The following FLNB variants were observed in gnomAD, a reference collection of about 807,000 sequenced individuals.
The protein encoded by FLNB is filamin-B.
In FLNB, 111 loss-of-function variants were observed where a neutral mutation model predicts 250.6. The ratio of observed to expected loss-of-function variants is 0.44; its 90% CI spans 0.38 to 0.52. The LOEUF is 0.52. Among genes scored for constraint, FLNB ranks in the 20% least tolerant of loss-of-function variants. FLNB has a pLI of 0.00. For synonymous variants in FLNB, 1,302 were observed against 1,372.1 expected, an observed-to-expected ratio of 0.95 and a Z score of 1.13; for missense variants, 2,869 against 3,447.8, an observed-to-expected ratio of 0.83 and a Z score of 4.20.
rs1173769273 is a variant in FLNB, at chr3:58,142,506, C to T, written c.5182-144C>T. The T allele has an allele frequency of 1.4e-6, 1 of 727,190 alleles. No individual in the cohort carries two copies. The highest frequency in any genetic ancestry group is 1.6e-5 in the South Asian group (1 of 63,274). The allele number at this position is 727,190 out of a possible 1,614,324, so 45.0% of individuals were successfully genotyped here. On this transcript the variant is annotated intron_variant, in intron 30 of 45. Transcript: ENST00000295956. This position sits in a 1 kb window ranked among gnomAD's most constrained non-coding sequence, Gnocchi z 4.3. ...TACCCTGGGTCTGGAGCCACTTAGA[C>T]AAAGCCCATACCACAATGGGCAGCC...
intron 4 of FLNB, among the ~76,000 whole-genome samples, chr3:58,083,413 C>T (rs2097212213): frequency 7.2e-6 from 1 of 139,804 alleles, no homozygotes; most frequent in African/African-American, 2.7e-5. Flanking sequence ...GTCGCCCAGG[C>T]TGGAGTGCAG....
At position 58,138,284 on chromosome 3, in the gene FLNB, C is replaced by T. The variant is rs2097320065; in HGVS notation, c.4864C>T (p.Pro1622Ser). The T allele has an allele frequency of 6.2e-7, 1 of 1,613,652 alleles. No individual in the cohort carries two copies. The highest frequency in any genetic ancestry group is 1.3e-5 in the African/African-American group (1 of 74,906). ...TCTTCCCCTGAACTCTTCTCCAGGT[C>T]CTGGAATCGCCTCCACTGTGAAAAC... ...GDASKCLATG[P>S]GIASTVKTGE... Residue 1622 changes from proline to serine, a missense_variant and splice_region_variant, in exon 29 of 46, where the codon CCT becomes TCT. Physicochemically the swap from Pro to Ser is moderately conservative, Grantham distance 74 (BLOSUM62 -1). Transcript: ENST00000295956.
At position 58,098,818 on chromosome 3, in the gene FLNB, A is replaced by G; in HGVS notation, c.1255A>G (p.Lys419Glu). Residue 419 changes from lysine (K) to glutamate (E), a missense_variant, in exon 8 of 46, where the codon AAA becomes GAA. Coordinates refer to ENST00000295956, the MANE Select transcript of FLNB (RefSeq NM_001457.4). ...AAACCAGGTGTATCGATGTGTGTACAAACCCATGCAGCCTGGCCCTCACGT... is the reference window on the plus strand; with the variant it reads ...AAACCAGGTGTATCGATGTGTGTACGAACCCATGCAGCCTGGCCCTCACGT... ...KGNQVYRCVY[K>E]PMQPGPHVVK... 6.2e-7 allele frequency: 1 copy of G among 1,614,194 alleles called. No homozygotes were observed. Among genetic ancestry groups the G allele is most frequent in the Non-Finnish European group, 8.5e-7 (1 of 1,180,034 alleles).
chr3:58,123,901 CT>C (rs2097293298), intron 21 of FLNB, among the ~76,000 whole-genome samples: 1 of 152,096 alleles, frequency 6.6e-6, no homozygotes, highest in African/African-American at 2.4e-5. Flanking sequence ...TACTCAACCC[CT>C]GTTTTCTGTT....
At chr3:58,155,146 C>G (rs2097351388) in intron 40 of FLNB, among the ~76,000 whole-genome samples, 1 of 152,230 alleles carries the variant, frequency 6.6e-6, no homozygotes, top group Non-Finnish European at 1.5e-5. Flanking sequence ...CCATTAGCCT[C>G]TCTGCTTCTT....
At chr3:58,132,704 A>G in intron 25 of FLNB, 104 bp from the exon 26 acceptor site, 1 of 1,471,386 alleles carries the variant, frequency 6.8e-7, no homozygotes. Flanking sequence ...ATCAGTGGAA[A>G]CCAATAGCTC....
rs751469101 is a variant in FLNB at position 58,106,848 on chromosome 3, C to G, written c.1916C>G (p.Ala639Gly). The stretch of plus-strand genomic sequence containing the variant: ...CCGTACATGGCCTTCATCCACCCAG[C>G]CACGGGAGGCTACAACCCTGATCTG... ...DSPYMAFIHP[A>G]TGGYNPDLVR... The change falls in exon 12 of 46, where the codon GCC becomes GGC. Residue 639 changes from alanine (A) to glycine (G), a missense_variant. Physicochemically the swap from Ala to Gly is moderately conservative, Grantham distance 60. Around this residue, in one of 5 missense-constraint regions of FLNB, gnomAD observed 1,348 missense variants for 1,466.7 expected, o/e 0.92. Transcript: ENST00000295956. 1.2e-6 allele frequency: 2 copies of G among 1,613,854 alleles called. No homozygotes were observed. Among genetic ancestry groups the G allele is most frequent in the Non-Finnish European group, 1.7e-6 (2 of 1,179,962 alleles).
chr3:58,070,918 A>G (rs1283232808), intron 1 of FLNB, among the ~76,000 whole-genome samples: 5 of 148,054 alleles, frequency 3.4e-5, no homozygotes, highest in East Asian at 2.0e-4. Context: ...CCAAAGTGCT[A>G]GGATTACAGG....
rs767271335 is a variant in FLNB at position 58,126,720 on chromosome 3, G to A, written c.4180G>A (p.Asp1394Asn). Residue 1394 changes from aspartate to asparagine, a missense_variant, in exon 24 of 46, where the codon GAT (aspartate) becomes AAT (asparagine). Physicochemically the swap from Asp to Asn is conservative, Grantham distance 23 (BLOSUM62 1). Coordinates refer to ENST00000295956, the MANE Select transcript of FLNB (RefSeq NM_001457.4). ...SAEYIPFAPG[D>N]YDVNITYGGA... is the part of the protein sequence containing the mutation. ...TGAGTACATTCCTTTCGCACCGGGG[G>A]ATTACGATGTTAATATCACATATGG... is the stretch of plus-strand genomic sequence containing the variant. 16 of 1,613,874 alleles carry A rather than the reference G, an allele frequency of 9.9e-6. No individual in the cohort carries two copies. Among genetic ancestry groups the A allele is most frequent in the African/African-American group, 1.3e-5 (1 of 74,884 alleles).
chr3:58,145,812 TAGG>T, intron 32 of FLNB, 106 bp from the exon 33 acceptor site: 1 of 1,359,890 alleles, frequency 7.4e-7, no homozygotes, highest in Non-Finnish European at 1.1e-6. Context: ...TGCCTCTGCT[TAGG>T]AGGCGCCAGA....
chr3:58,024,676 A>G (rs2097120342), intron 1 of FLNB, among the ~76,000 whole-genome samples: 1 of 122,340 alleles, frequency 8.2e-6, no homozygotes, highest in Non-Finnish European at 1.8e-5. Context: ...GCATTTCTGC[A>G]TTTCTGGTCT....
chr3:58,028,418 A>T (rs1370943473), intron 1 of FLNB, among the ~76,000 whole-genome samples: 1 of 151,818 alleles, frequency 6.6e-6, no homozygotes, highest in Admixed American at 6.6e-5. Flanking sequence ...ATGAAATATA[A>T]ATCTATTTCA....
At position 58,123,226 on chromosome 3, in the gene FLNB, G is replaced by T. The variant is rs1292094992; in HGVS notation, c.3260G>T (p.Cys1087Phe). ...VEGPCEAKIE[C>F]SDNGDGTCSV... ...GGTCCGTGCGAGGCCAAAATCGAGTGCTCCGACAATGGTGATGGGACCTGC... is the reference window on the plus strand; with the variant it reads ...GGTCCGTGCGAGGCCAAAATCGAGTTCTCCGACAATGGTGATGGGACCTGC... The change falls in exon 21 of 46, where the codon TGC becomes TTC. Residue 1087 changes from cysteine to phenylalanine, a missense_variant. Around this residue, in one of 5 missense-constraint regions of FLNB, gnomAD observed 1,348 missense variants for 1,466.7 expected, o/e 0.92. Coordinates refer to ENST00000295956, the MANE Select transcript of FLNB (RefSeq NM_001457.4). 10 of 1,614,028 alleles carry T rather than the reference G, an allele frequency of 6.2e-6. No homozygotes were observed. The highest frequency in any genetic ancestry group is 1.3e-5 in the African/African-American group (1 of 74,920).
At chr3:58,028,601 AT>A (rs1203753754) in intron 1 of FLNB, among the ~76,000 whole-genome samples, 2 of 135,912 alleles carry the variant, frequency 1.5e-5, no homozygotes, top group East Asian at 2.4e-4. Flanking sequence ...ACCAAAAAAA[AT>A]TTTTTTTTCT....
In FLNB at chr3:58,168,449, C is replaced by T. The variant is rs779062269; in HGVS notation, c.7208C>T (p.Ser2403Leu). ...TATTCCTTTCTCCCAGGTATCCAGTCGGAATTCTTTATTAACACCACCCGA... is the reference window on the plus strand; with the variant it reads ...TATTCCTTTCTCCCAGGTATCCAGTTGGAATTCTTTATTAACACCACCCGA... ...GLEGGTTGIQ[S>L]EFFINTTRAG... The change falls in exon 44 of 46, where the codon TCG becomes TTG. Residue 2403 changes from serine to leucine, a missense_variant. Coordinates refer to ENST00000295956, the MANE Select transcript of FLNB (RefSeq NM_001457.4). 1.7e-5 allele frequency: 27 copies of T among 1,613,118 alleles called. No individual in the cohort carries two copies. The highest frequency in any genetic ancestry group is 7.7e-5 in the South Asian group (7 of 91,034).
rs762845255 is a variant in FLNB, at chr3:58,096,137, C to G, written c.907-4C>G. On this transcript the variant is annotated splice_region_variant and splice_polypyrimidine_tract_variant and intron_variant, in intron 5 of 45. Coordinates refer to ENST00000295956, the MANE Select transcript of FLNB (RefSeq NM_001457.4). ...TTCTAACTGTTGCCCACCTTCCCTC[C>G]TAGGCACAAGTGACCCCTGACAGTG... 1.2e-6 allele frequency: 2 copies of G among 1,612,862 alleles called. No homozygotes were observed.
intron 14 of FLNB, 98 bp from the exon 15 acceptor site, chr3:58,109,478 G>A (rs1446798476): frequency 3.7e-6 from 6 of 1,607,210 alleles, no homozygotes; most frequent in Non-Finnish European, 5.1e-6. Flanking sequence ...GAGTGCTCCA[G>A]CCTGCTCAGA....
At chr3:58,080,171 A>G (rs2097207175) in intron 3 of FLNB, among the ~76,000 whole-genome samples, 1 of 152,226 alleles carries the variant, frequency 6.6e-6, no homozygotes, top group Non-Finnish European at 1.5e-5. Context: ...TTCAAACCCA[A>G]GTAGCTCTTT....
At chr3:58,041,526 A>G (rs2097145991) in intron 1 of FLNB, among the ~76,000 whole-genome samples, 1 of 151,948 alleles carries the variant, frequency 6.6e-6, no homozygotes, top group South Asian at 2.1e-4. Flanking sequence ...CTCCCCACCA[A>G]CCACCACCAC....
Sources: allele counts gnomAD v4.1 joint callset (sites outside exome capture counted in the v4.1 genomes callset), GRCh38; gene constraint gnomAD v4.1.1; regional missense constraint gnomAD v4.1.1; non-coding constraint Gnocchi (gnomAD v3.1); transcripts MANE v1.5; gene names NCBI Gene and HGNC (gene_info 2026-07-23, HGNC 2026-07-21).